Variants in FLI1 observed in about 807,000 individuals in gnomAD.
The protein encoded by FLI1 is Fli-1 proto-oncogene, ETS transcription factor.
Under a neutral mutation model 53.1 loss-of-function variants are expected in FLI1, and 13 were observed. That is an observed-to-expected ratio of 0.24 (90% confidence interval 0.16 to 0.39). The LOEUF is 0.39. Among genes scored for constraint, FLI1 ranks in the 10% least tolerant of loss-of-function variants. The pLI is 1.00. For synonymous variants in FLI1, 244 were observed against 236.7 expected (o/e 1.03, Z -0.28); for missense variants, 424 against 600.5 (o/e 0.71, Z 3.07).
chr11:128,725,959 C>T (rs776988682), intron 1 of FLI1, among the ~76,000 whole-genome samples: 5 of 152,092 alleles, frequency 3.3e-5, no homozygotes, highest in Admixed American at 2.0e-4. Context: ...GAAGAGAAGC[C>T]GGAGGGGACT....
chr11:128,739,750 G>T (rs1940057332), intron 1 of FLI1, among the ~76,000 whole-genome samples: 1 of 152,200 alleles, frequency 6.6e-6, no homozygotes, highest in Non-Finnish European at 1.5e-5. Context: ...TGGTGAAAGT[G>T]CCTACAGTTA....
chr11:128,714,205 G>GAAAAA (rs11301098), intron 1 of FLI1, among the ~76,000 whole-genome samples: 1 of 97,472 alleles, frequency 1.0e-5, no homozygotes, highest in Non-Finnish European at 2.1e-5. Flanking sequence ...TCACTGGCCA[G>GAAAAA]AAAAAAAAAA....
intron 1 of FLI1, among the ~76,000 whole-genome samples, chr11:128,754,308 C>T (rs916130052): frequency 7.9e-5 from 12 of 151,426 alleles, no homozygotes; most frequent in East Asian, 1.9e-4. Flanking sequence ...AGTATTCTCA[C>T]GAGCTGTTAA....
At chr11:128,686,043 C>T (rs1288823185), upstream of FLI1, 3 of 268,346 alleles carry the variant, frequency 1.1e-5, no homozygotes, top group Non-Finnish European at 2.3e-5. Context: ...GGGGCCTCCA[C>T]AGACCTCCCT....
chr11:128,789,296 C>T (rs533591160), intron 5 of FLI1, among the ~76,000 whole-genome samples: 1 of 152,240 alleles, frequency 6.6e-6, no homozygotes, highest in South Asian at 2.1e-4. Context: ...TGCACCATGG[C>T]TTCCTGGTAC....
chr11:128,763,050 T>G (rs1941187024), intron 2 of FLI1, among the ~76,000 whole-genome samples: 1 of 152,210 alleles, frequency 6.6e-6, no homozygotes, highest in Non-Finnish European at 1.5e-5. Flanking sequence ...TGTTCTGTGA[T>G]TCACAGTGCA....
chr11:128,811,201 A>G lies in FLI1; in HGVS notation c.*213A>G, dbSNP rs1018742570. 6 of 571,758 alleles carry G rather than the reference A, an allele frequency of 1.0e-5. No homozygotes were observed. The highest frequency in any genetic ancestry group is 8.8e-5 in the East Asian group (3 of 34,238). 35.4% of individuals were successfully genotyped at this position (571,758 alleles called of 1,614,324 possible). ...CCTGAACAAAGAGATGAATAATTCC[A>G]TGGGCCAGTATGCCAGTTTGAATTC... On this transcript the variant is annotated 3_prime_UTR_variant, in exon 9 of 9. Coordinates refer to ENST00000527786, the MANE Select transcript of FLI1 (RefSeq NM_002017.5).
At chr11:128,787,180 A>G (rs566513549) in intron 5 of FLI1, among the ~76,000 whole-genome samples, 2 of 152,298 alleles carry the variant, frequency 1.3e-5, no homozygotes, top group African/African-American at 2.4e-5. Context: ...AGCCATGCAC[A>G]TGGTAACAAC....
At chr11:128,694,660 G>C (rs1010643674) in intron 1 of FLI1, among the ~76,000 whole-genome samples, 4 of 152,052 alleles carry the variant, frequency 2.6e-5, no homozygotes, top group Non-Finnish European at 5.9e-5. Flanking sequence ...CGTGGCCCCA[G>C]CGCTAGGCAC....
intron 2 of FLI1, among the ~76,000 whole-genome samples, chr11:128,763,452 C>CT (rs1941205580): frequency 6.6e-6 from 1 of 152,240 alleles, no homozygotes; most frequent in African/African-American, 2.4e-5. Context: ...CATCCTGTCT[C>CT]AACCACAGGG....
chr11:128,775,030 C>T (rs1436587555), intron 4 of FLI1, among the ~76,000 whole-genome samples: 1 of 152,084 alleles, frequency 6.6e-6, no homozygotes, highest in Non-Finnish European at 1.5e-5. Flanking sequence ...ACAGAAAGTG[C>T]CCCCAAATCA....
At chr11:128,729,564 C>T (rs1018546277) in intron 1 of FLI1, among the ~76,000 whole-genome samples, 1 of 152,198 alleles carries the variant, frequency 6.6e-6, no homozygotes, top group Non-Finnish European at 1.5e-5. Context: ...GGGGGAAACA[C>T]GAGTGCACCA....
chr11:128,757,475 T>C (rs1940938571), intron 1 of FLI1, among the ~76,000 whole-genome samples: 2 of 152,220 alleles, frequency 1.3e-5, no homozygotes, highest in African/African-American at 4.8e-5. Context: ...TGAGCATTTC[T>C]TACAAGCTAC....
chr11:128,757,667 G>A (rs1477829123), intron 1 of FLI1, among the ~76,000 whole-genome samples: 2 of 152,164 alleles, frequency 1.3e-5, no homozygotes, highest in African/African-American at 4.8e-5. Context: ...GGCCTTGCCT[G>A]GAAAATAAAT....
chr11:128,755,801 C>T (rs536994639), intron 1 of FLI1, among the ~76,000 whole-genome samples: 51 of 152,332 alleles, frequency 3.3e-4, no homozygotes, highest in African/African-American at 1.2e-3. Flanking sequence ...GTGTGGGCAA[C>T]TCTGCTTTGA....
At position 128,749,359 on chromosome 11, in the gene FLI1, G is replaced by A. The variant is rs114877263; in HGVS notation, c.19-8756G>A. On this transcript the variant is annotated intron_variant, in intron 1 of 8. Coordinates refer to ENST00000527786, the MANE Select transcript of FLI1 (RefSeq NM_002017.5). ...TTTTGTTATCCTTCACTGAAGGCTC[G>A]TTCACTCTCAAGTCTGGAGGTTGAC... Among the ~76,000 whole-genome samples the A allele has an allele frequency of 2.5e-3, 377 of 152,280 alleles. 2 individuals are homozygous for A. Among genetic ancestry groups the A allele is most frequent in the African/African-American group, 8.6e-3 (358 of 41,538 alleles).
At chr11:128,754,235 ATGTGTGTGTGTGTGTGTGTG>A (rs57171401) in intron 1 of FLI1, among the ~76,000 whole-genome samples, 1 of 145,680 alleles carries the variant, frequency 6.9e-6, no homozygotes, top group Non-Finnish European at 1.5e-5. Flanking sequence ...TAGAAGGGGG[ATGTGTGTGTGTGTGTGTGTG>A]TGTGTGTGTG....
chr11:128,766,829 T>C (rs1304660576), intron 2 of FLI1, among the ~76,000 whole-genome samples: 1 of 152,132 alleles, frequency 6.6e-6, no homozygotes, highest in Non-Finnish European at 1.5e-5. Flanking sequence ...TGGAAGGCTG[T>C]AATCTGAACC....
intron 1 of FLI1, among the ~76,000 whole-genome samples, chr11:128,720,204 T>C (rs958583089): frequency 6.6e-6 from 1 of 152,194 alleles, no homozygotes; most frequent in Non-Finnish European, 1.5e-5. Context: ...TATATTAAAT[T>C]ACGGCCATGT....
Sources: gnomAD v4.1 joint callset for allele counts (sites outside exome capture counted in the v4.1 genomes callset) on GRCh38, gnomAD v4.1.1 for gene constraint, MANE v1.5 for transcripts, NCBI Gene and HGNC (gene_info 2026-07-23, HGNC 2026-07-21) for gene names.